Variants in DYSF observed in about 807,000 individuals in gnomAD.
DYSF encodes the protein dysferlin, also known as dystrophy-associated fer-1-like 1.
Under a neutral mutation model 274.9 loss-of-function variants are expected in DYSF, and 212 were observed. The ratio of observed to expected loss-of-function variants is 0.77; its 90% CI spans 0.69 to 0.86. DYSF has a LOEUF of 0.86. Ranked by LOEUF, DYSF falls within the 40% of genes least tolerant of loss-of-function variation. The pLI, the probability that DYSF is intolerant of heterozygous loss-of-function variation, is 0.00. For missense variants in DYSF, 2,666 were observed against 2,783.2 expected, an observed-to-expected ratio of 0.96 and a Z score of 0.95; for synonymous variants, 1,091 against 1,078.7, an observed-to-expected ratio of 1.01 and a Z score of -0.22.
Position 71,520,786 on chromosome 2 carries a change from T to C in DYSF, c.1034-3T>C, listed in dbSNP as rs2087178346. 1.2e-6 allele frequency: 2 copies of C among 1,613,712 alleles called. No homozygotes were observed. The highest frequency in any genetic ancestry group is 2.7e-5 in the African/African-American group (2 of 74,896). On this transcript the variant is annotated splice_polypyrimidine_tract_variant and splice_region_variant and intron_variant, in intron 11 of 55. Coordinates refer to ENST00000410020, the MANE Select transcript of DYSF (RefSeq NM_001130987.2). The stretch of plus-strand genomic sequence containing the variant: ...GATCACCAGAGGATGTTGTCTCTCT[T>C]AGGGCACGCCTATCTCAGGAAGTGG...
At chr2:71,646,452 G>A (rs1317160239) in intron 42 of DYSF, among the ~76,000 whole-genome samples, 1 of 152,120 alleles carries the variant, frequency 6.6e-6, no homozygotes, top group East Asian at 1.9e-4. Flanking sequence ...ACTATTTCTG[G>A]GGGGAAAACT....
At chr2:71,490,325 A>G (rs2083734318) in intron 3 of DYSF, among the ~76,000 whole-genome samples, 1 of 152,320 alleles carries the variant, frequency 6.6e-6, no homozygotes, top group South Asian at 2.1e-4. Flanking sequence ...GCCCATTGTT[A>G]ACGATTTGGT....
chr2:71,632,083 C>T (rs1053795708), intron 41 of DYSF, among the ~76,000 whole-genome samples: 16 of 152,128 alleles, frequency 1.1e-4, no homozygotes, highest in African/African-American at 3.9e-4. Flanking sequence ...TCTTGGCTTC[C>T]CTTGGAAATC....
At chr2:71,491,399 A>G (rs1003928184) in intron 3 of DYSF, among the ~76,000 whole-genome samples, 1 of 152,274 alleles carries the variant, frequency 6.6e-6, no homozygotes, top group South Asian at 2.1e-4. Context: ...GCACGTGTGC[A>G]CACAGACCTT....
intron 30 of DYSF, among the ~76,000 whole-genome samples, chr2:71,587,112 T>C (rs1200959255): frequency 4.6e-5 from 7 of 152,220 alleles, no homozygotes; most frequent in Admixed American, 4.6e-4. Flanking sequence ...CTGCTGGGCC[T>C]CCAGGTTTGC....
chr2:71,591,855 G>T (rs1165811100), intron 32 of DYSF, among the ~76,000 whole-genome samples: 1 of 152,246 alleles, frequency 6.6e-6, no homozygotes, highest in East Asian at 1.9e-4. Flanking sequence ...GCTCTGTGCA[G>T]CCAGGTGCGG....
intron 1 of DYSF, among the ~76,000 whole-genome samples, chr2:71,472,980 G>A (rs2082144396): frequency 6.6e-6 from 1 of 152,138 alleles, no homozygotes; most frequent in Non-Finnish European, 1.5e-5. Flanking sequence ...ATCTTCCCCA[G>A]GCCTTCTGAG....
At position 71,611,594 on chromosome 2, in the gene DYSF, A is replaced by G; in HGVS notation, c.4189A>G (p.Asn1397Asp). Residue 1397 changes from asparagine to aspartate, a missense_variant, in exon 38 of 56, where the codon AAC (asparagine) becomes GAC (aspartate). Asn to Asp is a conservative substitution (Grantham distance 23). Coordinates refer to ENST00000410020, the MANE Select transcript of DYSF (RefSeq NM_001130987.2). ...CATCAGGAACCTCCGGAAGAACCCC[A>G]ACTTTGACATCTGCACCCTCTTCAT... ...CVIRNLRKNP[N>D]FDICTLFMEV... is the part of the protein sequence containing the mutation. 6.2e-7 allele frequency: 1 copy of G among 1,614,004 alleles called. No individual in the cohort carries two copies. Among genetic ancestry groups the G allele is most frequent in the Non-Finnish European group, 8.5e-7 (1 of 1,179,994 alleles).
rs190192854 is a variant in DYSF, at chr2:71,588,148, C to T, written c.3403-1445C>T. On this transcript the variant is annotated intron_variant, in intron 30 of 55. Transcript: ENST00000410020. The stretch of plus-strand genomic sequence containing the variant: ...GGACAGCTTTAAGGAGCGTGGTTTG[C>T]CTGAAGCCAAGGGCCGGGTTTGGGG... Among the ~76,000 whole-genome samples, 960 of 152,178 alleles carry T rather than the reference C, an allele frequency of 6.3e-3. 6 individuals are homozygous for T. Among genetic ancestry groups the T allele is most frequent in the South Asian group, 0.02 (97 of 4,818 alleles).
At chr2:71,602,697 A>ATACT in intron 35 of DYSF, 79 bp from the exon 36 acceptor site, 1 of 1,525,216 alleles carries the variant, frequency 6.6e-7, no homozygotes, top group South Asian at 1.2e-5. Context: ...GTGCGCCTTG[A>ATACT]TACTAATAGA....
chr2:71,473,738 A>G (rs535160019), intron 1 of DYSF, among the ~76,000 whole-genome samples: 1 of 152,138 alleles, frequency 6.6e-6, no homozygotes, highest in Non-Finnish European at 1.5e-5. Flanking sequence ...TGCACATAAC[A>G]TGAAATGTAC....
intron 12 of DYSF, among the ~76,000 whole-genome samples, chr2:71,521,776 G>A (rs1235986278): frequency 6.6e-6 from 1 of 152,062 alleles, no homozygotes; most frequent in African/African-American, 2.4e-5. Flanking sequence ...GCTGGGCCCC[G>A]GGTGCTGTCC....
chr2:71,654,470 C>T (rs529531343), intron 42 of DYSF, among the ~76,000 whole-genome samples: 19 of 152,140 alleles, frequency 1.2e-4, no homozygotes, highest in African/African-American at 3.4e-4. Flanking sequence ...ACTCCCACAC[C>T]GTATAAGTGG....
intron 3 of DYSF, among the ~76,000 whole-genome samples, chr2:71,490,095 A>G (rs1303753656): frequency 6.6e-6 from 1 of 151,874 alleles, no homozygotes; most frequent in Non-Finnish European, 1.5e-5. Flanking sequence ...CATGGCCCGT[A>G]TGGACACCCG....
In DYSF at chr2:71,513,277, C is replaced by A; in HGVS notation, c.498C>A (p.Leu166=). 1 of 1,551,616 alleles carries A rather than the reference C, an allele frequency of 6.4e-7. No homozygotes were observed. The highest frequency in any genetic ancestry group is 8.7e-7 in the Non-Finnish European group (1 of 1,146,966). Residue 166 remains leucine, a synonymous_variant, in exon 6 of 56, where the codon CTC becomes CTA. Coordinates refer to ENST00000410020, the MANE Select transcript of DYSF (RefSeq NM_001130987.2). ...GQSRAETWSL[L]SDSTMDTRYS... ...GCCGGGCCGAGACTTGGTCCCTGCT[C>A]AGTGACAGCACCATGGACACGAGAT...
Position 71,681,037 on chromosome 2 carries a change from A to G in DYSF, c.6100A>G (p.Ser2034Gly). 7 of 1,614,172 alleles carry G rather than the reference A, an allele frequency of 4.3e-6. No homozygotes were observed. The highest frequency in any genetic ancestry group is 5.9e-6 in the Non-Finnish European group (7 of 1,180,046). The change falls in exon 54 of 56, where the codon AGT becomes GGT. Residue 2034 changes from serine (S) to glycine (G), a missense_variant. Ser to Gly is a moderately conservative substitution (Grantham distance 56, BLOSUM62 0). Around this residue, in one of 3 missense-constraint regions of DYSF, gnomAD observed 1,460 missense variants for 1,502.1 expected, o/e 0.97. Transcript: ENST00000410020. ...AATGACCTTGGAGATTGTAGCAGAGAGTGAGCATGAGGAGCGGCCTGCTGG... is the reference window on the plus strand; with the variant it reads ...AATGACCTTGGAGATTGTAGCAGAGGGTGAGCATGAGGAGCGGCCTGCTGG... Reference protein sequence around the residue: ...LEMTLEIVAESEHEERPAGQG... With the variant: ...LEMTLEIVAEGEHEERPAGQG...
chr2:71,501,592 C>A (rs1269118058), intron 3 of DYSF, among the ~76,000 whole-genome samples: 1 of 152,226 alleles, frequency 6.6e-6, no homozygotes, highest in African/African-American at 2.4e-5. Context: ...CCTCCTCCCC[C>A]CAGCTTGTAT....
chr2:71,606,640 G>A (rs1158977668), intron 36 of DYSF, among the ~76,000 whole-genome samples: 1 of 152,150 alleles, frequency 6.6e-6, no homozygotes, highest in African/African-American at 2.4e-5. Flanking sequence ...GATGATCAGA[G>A]ATCCCTTAGG....
chr2:71,570,938 C>T, intron 29 of DYSF, 197 bp downstream of exon 29: 1 of 711,400 alleles, frequency 1.4e-6, no homozygotes, highest in Non-Finnish European at 2.2e-6. Flanking sequence ...AGATCACACC[C>T]AGCATACCCA....
Sources: allele counts gnomAD v4.1 joint callset (sites outside exome capture counted in the v4.1 genomes callset), GRCh38; gene constraint gnomAD v4.1.1; regional missense constraint gnomAD v4.1.1; transcripts MANE v1.5; gene names NCBI Gene and HGNC (gene_info 2026-07-23, HGNC 2026-07-21).